Variants in CPPED1 observed in about 807,000 individuals in gnomAD.
The protein encoded by CPPED1 is calcineurin like phosphoesterase domain containing 1, also known as serine/threonine-protein phosphatase CPPED1.
A neutral mutation model predicts 28.0 loss-of-function variants in CPPED1; 28 were observed. The ratio of observed to expected loss-of-function variants is 1.00; its 90% CI spans 0.74 to 1.37. CPPED1 has a LOEUF of 1.37. Ranked by LOEUF, CPPED1 falls within the 40% of genes most tolerant of loss-of-function variation. The pLI, the probability that CPPED1 is intolerant of heterozygous loss-of-function variation, is 0.00. For missense variants in CPPED1, 504 were observed against 416.5 expected, an observed-to-expected ratio of 1.21 and a Z score of -1.83; for synonymous variants, 198 against 180.2, an observed-to-expected ratio of 1.10 and a Z score of -0.79.
intron 2 of CPPED1, among the ~76,000 whole-genome samples, chr16:12,755,027 C>A (rs182248664): frequency 3.3e-5 from 5 of 151,986 alleles, no homozygotes; most frequent in African/African-American, 9.7e-5. Flanking sequence ...GTGTAGCTAG[C>A]AGAAAAAGGT....
chr16:12,719,938 G>GAA (rs897034181), intron 2 of CPPED1, among the ~76,000 whole-genome samples: 1 of 143,776 alleles, frequency 7.0e-6, no homozygotes. Flanking sequence ...CTCCATCACA[G>GAA]AAAAAAAAAA....
At chr16:12,802,381 C>T (rs1272823210) in intron 1 of CPPED1, among the ~76,000 whole-genome samples, 1 of 152,170 alleles carries the variant, frequency 6.6e-6, no homozygotes, top group Non-Finnish European at 1.5e-5. Context: ...GACGGCGGAT[C>T]ACCTGATGTT....
intron 2 of CPPED1, among the ~76,000 whole-genome samples, chr16:12,730,769 T>C (rs1387088667): frequency 6.6e-6 from 1 of 152,206 alleles, no homozygotes; most frequent in Non-Finnish European, 1.5e-5. Context: ...GACAGAACGT[T>C]GACTGACAGA....
chr16:12,668,805 G>T (rs914786371), intron 3 of CPPED1, among the ~76,000 whole-genome samples: 7 of 152,260 alleles, frequency 4.6e-5, no homozygotes, highest in African/African-American at 1.4e-4. Context: ...CACTCGGATG[G>T]CTGTGATGAA....
At chr16:12,779,722 C>G (rs1397754063) in intron 2 of CPPED1, among the ~76,000 whole-genome samples, 2 of 151,324 alleles carry the variant, frequency 1.3e-5, no homozygotes, top group African/African-American at 4.9e-5. Context: ...AAGTGGGCTG[C>G]CAGAAAAAAG....
At chr16:12,690,047 C>A (rs2079954258) in intron 3 of CPPED1, among the ~76,000 whole-genome samples, 1 of 152,184 alleles carries the variant, frequency 6.6e-6, no homozygotes, top group Non-Finnish European at 1.5e-5. Context: ...TTCAAACCAA[C>A]CTTTATTTTT....
In CPPED1 at chr16:12,750,697, G is replaced by A. The variant is rs79334214; in HGVS notation, c.289+30488C>T. 5.1e-4 allele frequency among the ~76,000 whole-genome samples: 77 copies of A among 152,322 alleles called. No homozygotes were observed. The East Asian group carries it at 0.011, about 22-fold the overall frequency. ...AAAATGATGCTAACAGAGGCCGGGC[G>A]CAGTGGCTCACGCCTATAGTCCCAG... On this transcript the variant is annotated intron_variant, in intron 2 of 3. Transcript: ENST00000381774.
At chr16:12,703,385 G>A (rs576058375) in intron 3 of CPPED1, among the ~76,000 whole-genome samples, 1 of 152,348 alleles carries the variant, frequency 6.6e-6, no homozygotes, top group African/African-American at 2.4e-5. Flanking sequence ...TCCGGATTCT[G>A]GAGGAGAACT....
intron 2 of CPPED1, among the ~76,000 whole-genome samples, chr16:12,728,868 T>C (rs1353326050): frequency 6.6e-6 from 1 of 152,190 alleles, no homozygotes; most frequent in Non-Finnish European, 1.5e-5. Flanking sequence ...ACGGAGACCC[T>C]GTCTCTTCAA....
At chr16:12,672,620 C>T (rs956113055) in intron 3 of CPPED1, among the ~76,000 whole-genome samples, 4 of 152,080 alleles carry the variant, frequency 2.6e-5, no homozygotes, top group African/African-American at 7.2e-5. Context: ...GGTATGTGTG[C>T]ATAGACATTA....
At chr16:12,803,662 T>G (rs1485283087) in intron 1 of CPPED1, 45 bp downstream of exon 1, 4 of 1,417,284 alleles carry the variant, frequency 2.8e-6, no homozygotes, top group Non-Finnish European at 2.8e-6. Context: ...GGCGGAAGGT[T>G]CCGCAGCCCC....
rs2080294795 is a variant in CPPED1 at position 12,747,165 on chromosome 16, C to T, written c.289+34020G>A. 2.0e-5 allele frequency among the ~76,000 whole-genome samples: 3 copies of T among 151,796 alleles called. No individual in the cohort carries two copies. In the South Asian group the frequency reaches 6.2e-4, roughly 32 times the overall value. On this transcript the variant is annotated intron_variant, in intron 2 of 3. Transcript: ENST00000381774. ...ATCAATAAGGCCGGGCATGGTGGCT[C>T]ATGTCTGTAATCCCAGCATTTTGGG...
chr16:12,685,594 T>A (rs1350041416), intron 3 of CPPED1, among the ~76,000 whole-genome samples: 2 of 152,214 alleles, frequency 1.3e-5, no homozygotes, highest in African/African-American at 4.8e-5. Flanking sequence ...GGGACCGTGT[T>A]TGAAACATAG....
rs146469597 is a variant in CPPED1 at position 12,772,448 on chromosome 16, C to T, written c.289+8737G>A. Among the ~76,000 whole-genome samples the T allele has an allele frequency of 4.1e-3, 628 of 152,328 alleles. 4 individuals are homozygous for T. Among genetic ancestry groups the T allele is most frequent in the African/African-American group, 0.014 (588 of 41,582 alleles). On this transcript the variant is annotated intron_variant, in intron 2 of 3. Coordinates refer to ENST00000381774, the MANE Select transcript of CPPED1 (RefSeq NM_018340.3). ...TCTGCACAAATCCAGCCCTTCTTTA[C>T]CTTGAAGTTCAGACTTTTCTACCTA...
chr16:12,762,675 G>A (rs889091217), intron 2 of CPPED1, among the ~76,000 whole-genome samples: 4 of 152,168 alleles, frequency 2.6e-5, no homozygotes, highest in African/African-American at 9.7e-5. Context: ...GCCTAGGGCT[G>A]GAGTCGGAGG....
intron 3 of CPPED1, among the ~76,000 whole-genome samples, chr16:12,686,207 A>G (rs1239141529): frequency 6.6e-6 from 1 of 151,498 alleles, no homozygotes; most frequent in Admixed American, 6.6e-5. Context: ...TTTGTTTTGA[A>G]GATTGCTTGT....
At chr16:12,744,426 A>G (rs1404587503) in intron 2 of CPPED1, among the ~76,000 whole-genome samples, 1 of 152,184 alleles carries the variant, frequency 6.6e-6, no homozygotes, top group Non-Finnish European at 1.5e-5. Context: ...GAGGAGGAAC[A>G]CACACTGGGT....
At chr16:12,799,243 G>GTTT (rs200948126) in intron 1 of CPPED1, among the ~76,000 whole-genome samples, 16 of 135,252 alleles carry the variant, frequency 1.2e-4, no homozygotes, top group South Asian at 2.5e-4. Flanking sequence ...GGAAAAGTCA[G>GTTT]TTTTTTTTTT....
rs771997384 is a variant in CPPED1 at position 12,664,348 on chromosome 16, G to C, written c.*538C>G. 65 of 989,194 alleles carry C rather than the reference G, an allele frequency of 6.6e-5. No individual in the cohort carries two copies. The highest frequency in any genetic ancestry group is 7.6e-5 in the Non-Finnish European group (63 of 832,592). The allele number at this position is 989,194 out of a possible 1,614,324, so 61.3% of individuals were successfully genotyped here. A position where few individuals can be genotyped will look rare whatever the true frequency, so the allele number is the denominator to read the frequency against. On this transcript the variant is annotated 3_prime_UTR_variant, in exon 4 of 4. Coordinates refer to ENST00000381774, the MANE Select transcript of CPPED1 (RefSeq NM_018340.3). The surrounding 1 kb of genome is among the most constrained non-coding windows in gnomAD (Gnocchi z 4.2). ...TTGAACAGTAAATGGTGCCTACTTGGCTCCTTGTCAAAATAAGTCTGCATG... is the reference window on the plus strand; with the variant it reads ...TTGAACAGTAAATGGTGCCTACTTGCCTCCTTGTCAAAATAAGTCTGCATG...
Sources: gnomAD v4.1 joint callset for allele counts (sites outside exome capture counted in the v4.1 genomes callset) on GRCh38, gnomAD v4.1.1 for gene constraint, Gnocchi (gnomAD v3.1) non-coding constraint, MANE v1.5 for transcripts, NCBI Gene and HGNC (gene_info 2026-07-23, HGNC 2026-07-21) for gene names.